Variants in ZBBX observed in about 807,000 individuals in gnomAD.
ZBBX encodes zinc finger B-box domain-containing protein 1.
Under a neutral mutation model 108.5 loss-of-function variants are expected in ZBBX, and 101 were observed. The ratio of observed to expected loss-of-function variants is 0.93; its 90% confidence interval spans 0.79 to 1.10. The LOEUF (loss-of-function observed/expected upper bound fraction) is 1.10, where lower values mean the gene tolerates loss of function less well. Ranked by LOEUF, ZBBX falls within the 50% of genes least tolerant of loss-of-function variation. The probability of loss-of-function intolerance (pLI) is 0.00; values close to 1 mark genes in which losing one functional copy is unlikely to be tolerated. For synonymous variants in ZBBX, 356 were observed against 323.4 expected (o/e 1.10, Z -1.08); for missense variants, 1,009 against 941.4 (o/e 1.07, Z -0.94).
rs555209617 is a variant in ZBBX at position 167,388,618 on chromosome 3, G to A, written c.-445-8213C>T. Among the ~76,000 whole-genome samples, 6 of 152,068 alleles carry A rather than the reference G, an allele frequency of 3.9e-5. No individual in the cohort carries two copies. In the East Asian group the frequency reaches 5.8e-4, roughly 15 times the overall value. On this transcript the variant is annotated intron_variant, in intron 1 of 21. Coordinates refer to the ZBBX transcript ENST00000455345. Reference sequence around the variant, plus strand: ...TAGCAATAGATTAAACAAAATAAACGTTGACCTCTCTCTCACTTAGCATGT... The same window carrying A: ...TAGCAATAGATTAAACAAAATAAACATTGACCTCTCTCTCACTTAGCATGT...
the ZBBX span, among the ~76,000 whole-genome samples, chr3:167,222,486 C>G: frequency 6.6e-6 from 1 of 150,616 alleles, no homozygotes; most frequent in Non-Finnish European, 1.5e-5. Context: ...AGGTACATTA[C>G]GATGAATAAG....
chr3:167,249,052 G>A (rs949694349), intron 20 of ZBBX, among the ~76,000 whole-genome samples: 7 of 152,168 alleles, frequency 4.6e-5, no homozygotes, highest in East Asian at 1.9e-4. Flanking sequence ...TTTTCACCAC[G>A]CTCAGCCTAT....
At chr3:167,193,854 T>A in the ZBBX span, among the ~76,000 whole-genome samples, 2 of 152,144 alleles carry the variant, frequency 1.3e-5, no homozygotes, top group South Asian at 4.1e-4. Context: ...GGTTATTATG[T>A]TAAATGAAAT....
chr3:167,275,611 A>C (rs996892889), intron 20 of ZBBX, among the ~76,000 whole-genome samples: 3 of 152,212 alleles, frequency 2.0e-5, no homozygotes, highest in South Asian at 2.1e-4. Context: ...TATCCCGCAC[A>C]TGGCTCGGAG....
intron 20 of ZBBX, chr3:167,252,068 C>G (rs1352161823): frequency 5.4e-6 from 6 of 1,110,936 alleles, no homozygotes; most frequent in East Asian, 1.2e-4. Flanking sequence ...TCAGGTACTT[C>G]TAGAATGGCA....
intron 4 of ZBBX, 98 bp downstream of exon 4, chr3:167,372,736 G>T: frequency 1.7e-6 from 1 of 592,350 alleles, no homozygotes; most frequent in Non-Finnish European, 3.0e-6. Flanking sequence ...ATACAGGAAT[G>T]TGAAAAATGA....
chr3:167,237,004 GGATAA>G (rs1307661526), downstream of ZBBX, among the ~76,000 whole-genome samples: 1 of 151,732 alleles, frequency 6.6e-6, no homozygotes, highest in African/African-American at 2.4e-5. Context: ...GCCAAAACAA[GGATAA>G]GATGAGCATT....
At chr3:167,286,019 G>A (rs1308986472) in intron 19 of ZBBX, among the ~76,000 whole-genome samples, 1 of 152,128 alleles carries the variant, frequency 6.6e-6, no homozygotes, top group Non-Finnish European at 1.5e-5. Context: ...AATAAAAGAA[G>A]GTAAATGTGA....
At chr3:167,400,975 T>C (rs1467803636) in intron 1 of ZBBX, among the ~76,000 whole-genome samples, 1 of 152,140 alleles carries the variant, frequency 6.6e-6, no homozygotes, top group Non-Finnish European at 1.5e-5. Flanking sequence ...AGTTCCCAGC[T>C]TGACTTTTCC....
At chr3:167,293,732 A>G (rs1177349393) in intron 18 of ZBBX, among the ~76,000 whole-genome samples, 1 of 152,198 alleles carries the variant, frequency 6.6e-6, no homozygotes, top group Non-Finnish European at 1.5e-5. Flanking sequence ...AGAGTATTCA[A>G]TTAGGAAAAG....
At chr3:167,332,051 G>C (rs1356190921) in intron 10 of ZBBX, among the ~76,000 whole-genome samples, 1 of 152,034 alleles carries the variant, frequency 6.6e-6, no homozygotes, top group Non-Finnish European at 1.5e-5. Flanking sequence ...CCCTAACCCA[G>C]ATGTAAATAT....
chr3:167,287,745 C>A (rs138289132), intron 19 of ZBBX, among the ~76,000 whole-genome samples: 2 of 152,006 alleles, frequency 1.3e-5, no homozygotes, highest in Non-Finnish European at 2.9e-5. Flanking sequence ...GGGAAGCAAC[C>A]AGAATTTTTG....
chr3:167,338,640 T>C (rs1739987765), intron 9 of ZBBX, among the ~76,000 whole-genome samples: 1 of 152,138 alleles, frequency 6.6e-6, no homozygotes, highest in Non-Finnish European at 1.5e-5. Flanking sequence ...TTAACTTGCA[T>C]TGATTTTTCA....
At chr3:167,228,021 G>T in the ZBBX span, among the ~76,000 whole-genome samples, 2,025 of 151,782 alleles carry the variant, frequency 0.013, 22 homozygotes, top group South Asian at 0.026. Context: ...CTTAGGTCTA[G>T]ATTCTGGGCC....
chr3:167,316,507 A>T (rs925895690), intron 14 of ZBBX, among the ~76,000 whole-genome samples: 2 of 151,980 alleles, frequency 1.3e-5, no homozygotes, highest in African/African-American at 4.8e-5. Context: ...AGTTGATGCT[A>T]TTGGTGTCTT....
At chr3:167,357,175 T>C (rs146994045) in intron 8 of ZBBX, among the ~76,000 whole-genome samples, 112 of 152,168 alleles carry the variant, frequency 7.4e-4, no homozygotes, top group African/African-American at 2.7e-3. Flanking sequence ...ATGGACAAGA[T>C]TAGAGCCCTG....
chr3:167,257,854 C>CT (rs1363715433), intron 20 of ZBBX, among the ~76,000 whole-genome samples: 1 of 151,010 alleles, frequency 6.6e-6, no homozygotes, highest in African/African-American at 2.5e-5. Flanking sequence ...GGATTTTTTT[C>CT]TTTTTTTACT....
Position 167,365,281 on chromosome 3 carries a change from C to T in ZBBX, c.273+605G>A, listed in dbSNP as rs918028827. On this transcript the variant is annotated intron_variant, in intron 6 of 21. Transcript: ENST00000675490. ...GTGTAAGCTAATACTTACAAAGTCA[C>T]GAATCTTGCACTAAAGAATCCAGAA... Among the ~76,000 whole-genome samples, 9 of 151,774 alleles carry T rather than the reference C, an allele frequency of 5.9e-5. No individual in the cohort carries two copies. In the East Asian group the frequency reaches 1.7e-3, roughly 29 times the overall value.
Position 167,311,459 on chromosome 3 carries a change from G to C in ZBBX, c.1417+2515C>G, listed in dbSNP as rs1449194941. Among the ~76,000 whole-genome samples the C allele has an allele frequency of 2.0e-5, 3 of 152,028 alleles. No individual in the cohort carries two copies. The East Asian group carries it at 5.8e-4, about 29-fold the overall frequency. On this transcript the variant is annotated intron_variant, in intron 16 of 21. Transcript: ENST00000675490. ...TAAGCTAAACTTTATTAAAATAAAAGCTTATACACTATGAAAAATAGTCCA... is the reference window on the plus strand; with the variant it reads ...TAAGCTAAACTTTATTAAAATAAAACCTTATACACTATGAAAAATAGTCCA...
Sources: gnomAD v4.1 joint callset for allele counts (sites outside exome capture counted in the v4.1 genomes callset) on GRCh38, gnomAD v4.1.1 for gene constraint, MANE v1.5 for transcripts, NCBI Gene and HGNC (gene_info 2026-07-23, HGNC 2026-07-21) for gene names.